TCEA3: variants seen among roughly 807,000 people sequenced by gnomAD.
TCEA3 encodes the protein transcription elongation factor A protein 3.
TCEA3 carries 36 observed loss-of-function variants against 44.0 expected under a neutral mutation model. The observed-to-expected ratio is 0.82, with a 90% CI of 0.63 to 1.08. The LOEUF (loss-of-function observed/expected upper bound fraction) is 1.08, where lower values mean the gene tolerates loss of function less well. Among genes scored for constraint, TCEA3 ranks in the 50% least tolerant of loss-of-function variants. The pLI is 0.00. For synonymous variants in TCEA3, 162 were observed against 159.7 expected (o/e 1.01, Z -0.11); for missense variants, 392 against 441.2 (o/e 0.89, Z 1.00).
chr1:23,418,305 C>T (rs576525296), intron 2 of TCEA3: 302 of 374,764 alleles, frequency 8.1e-4, no homozygotes, highest in Non-Finnish European at 1.3e-3. Context: ...CCTCCCATTC[C>T]CAACCCTCTA....
intron 2 of TCEA3, among the ~76,000 whole-genome samples, chr1:23,418,466 C>T (rs1286795429): frequency 1.3e-5 from 2 of 152,200 alleles, no homozygotes; most frequent in African/African-American, 4.8e-5. Flanking sequence ...TGTGCATCAT[C>T]GTGCCCAGCT....
At chr1:23,399,594 C>T (rs1289716174) in intron 5 of TCEA3, among the ~76,000 whole-genome samples, 1 of 151,838 alleles carries the variant, frequency 6.6e-6, no homozygotes, top group Non-Finnish European at 1.5e-5. Flanking sequence ...AGGAGATTTT[C>T]ATTTTCTTCG....
At chr1:23,417,840 G>A in intron 3 of TCEA3, 64 bp downstream of exon 3, 3 of 1,466,856 alleles carry the variant, frequency 2.0e-6, no homozygotes, top group South Asian at 2.3e-5. Context: ...CTATGAGCCA[G>A]GCCCAGTCCT....
chr1:23,389,511 T>TTGG (rs200367242), intron 8 of TCEA3, among the ~76,000 whole-genome samples: 3,252 of 144,874 alleles, frequency 0.022, 65 homozygotes, highest in Non-Finnish European at 0.034. Flanking sequence ...AAGCCAGGCA[T>TTGG]TGGTGGTGCA....
At chr1:23,417,825 G>T in intron 3 of TCEA3, 79 bp downstream of exon 3, 1 of 1,312,608 alleles carries the variant, frequency 7.6e-7, no homozygotes, top group Non-Finnish European at 1.1e-6. Flanking sequence ...TACACTGAGT[G>T]CTGGCTATGA....
chr1:23,393,641 CAGTT>C (rs1386511231), intron 8 of TCEA3, among the ~76,000 whole-genome samples: 1 of 152,232 alleles, frequency 6.6e-6, no homozygotes, highest in Admixed American at 6.5e-5. Context: ...CTTTCTATCT[CAGTT>C]GGTGTGAACA....
intron 7 of TCEA3, 105 bp from the exon 8 acceptor site, chr1:23,394,138 A>C: frequency 1.5e-6 from 2 of 1,368,160 alleles, no homozygotes; most frequent in Non-Finnish European, 2.0e-6. Context: ...CTCTCCTCGG[A>C]CTTCTACAGG....
intron 5 of TCEA3, chr1:23,403,914 C>G (rs1177770008): frequency 1.8e-6 from 1 of 554,554 alleles, no homozygotes; most frequent in African/African-American, 1.9e-5. Flanking sequence ...TTTCAGGCAG[C>G]CACACTCATT....
chr1:23,413,580 C>A (rs1313039895), intron 4 of TCEA3, among the ~76,000 whole-genome samples: 1 of 152,022 alleles, frequency 6.6e-6, no homozygotes, highest in Admixed American at 6.6e-5. Flanking sequence ...ATTACAGGTA[C>A]CCACTACCAT....
Position 23,393,879 on chromosome 1 carries a change from C to T in TCEA3, c.819G>A (p.Glu273=), listed in dbSNP as rs1394023786. Residue 273 remains glutamate (E), a splice_region_variant and synonymous_variant, in exon 8 of 11, where the codon GAG becomes GAA. Transcript: ENST00000450454. ...CACCATGCAGATGCCCTGCTCTCAC[C>T]TCTGCCGTCATCTTGGCTATAAGCC... ...SAGLIAKMTA[E]EMASDELREL... The T allele has an allele frequency of 6.2e-7, 1 of 1,613,120 alleles. No individual in the cohort carries two copies. The highest frequency in any genetic ancestry group is 8.5e-7 in the Non-Finnish European group (1 of 1,179,828).
At chr1:23,412,816 T>C (rs950955093) in intron 4 of TCEA3, among the ~76,000 whole-genome samples, 2 of 152,228 alleles carry the variant, frequency 1.3e-5, no homozygotes, top group Non-Finnish European at 2.9e-5. Flanking sequence ...GCTTAATTTG[T>C]CTGATGTGCA....
chr1:23,398,011 G>T, intron 5 of TCEA3, 56 bp from the exon 6 acceptor site: 3 of 1,587,210 alleles, frequency 1.9e-6, no homozygotes, highest in South Asian at 1.1e-5. Flanking sequence ...AGCATTTATT[G>T]AGCAGCATTC....
chr1:23,391,553 T>C (rs1036621927), intron 8 of TCEA3, among the ~76,000 whole-genome samples: 9 of 152,164 alleles, frequency 5.9e-5, no homozygotes, highest in African/African-American at 2.2e-4. Context: ...AGAAGATGGC[T>C]GTCTATGAGG....
At chr1:23,413,760 A>G (rs1416566956) in intron 4 of TCEA3, among the ~76,000 whole-genome samples, 2 of 152,158 alleles carry the variant, frequency 1.3e-5, no homozygotes, top group Non-Finnish European at 2.9e-5. Flanking sequence ...AAAAAACTAC[A>G]AAGATATACA....
At chr1:23,392,454 A>T (rs866309445) in intron 8 of TCEA3, among the ~76,000 whole-genome samples, 22 of 137,792 alleles carry the variant, frequency 1.6e-4, no homozygotes, top group South Asian at 2.4e-4. Flanking sequence ...CAATACACAC[A>T]CACTCCACAC....
Position 23,384,382 on chromosome 1 carries a change from G to T in TCEA3, c.1002C>A (p.Thr334=), listed in dbSNP as rs866391170. The T allele has an allele frequency of 6.2e-7, 1 of 1,613,906 alleles. No individual in the cohort carries two copies. Residue 334 remains threonine, a synonymous_variant, in exon 10 of 11, where the codon ACC becomes ACA. Transcript: ENST00000450454. ...TGCCACATTCATTGCATAAGACAAAGGTAGTCATGGGCTCATCAGCACTGC... is the reference window on the plus strand; with the variant it reads ...TGCCACATTCATTGCATAAGACAAATGTAGTCATGGGCTCATCAGCACTGC... ...QTRSADEPMT[T]FVLCNECGNR...
intron 10 of TCEA3, among the ~76,000 whole-genome samples, chr1:23,383,050 C>A (rs537428728): frequency 6.6e-6 from 1 of 152,118 alleles, no homozygotes. Flanking sequence ...GAGGCCGAGG[C>A]GGGCGGATCA....
chr1:23,408,105 G>A (rs1186416620), intron 5 of TCEA3, among the ~76,000 whole-genome samples: 1 of 152,118 alleles, frequency 6.6e-6, no homozygotes, highest in African/African-American at 2.4e-5. Flanking sequence ...GGGATTACAG[G>A]TGCCCACCAC....
chr1:23,405,541 A>G (rs1361257418), intron 5 of TCEA3, among the ~76,000 whole-genome samples: 1 of 151,976 alleles, frequency 6.6e-6, no homozygotes, highest in African/African-American at 2.4e-5. Context: ...AGTTGCACTG[A>G]GCCGAGATCG....
Sources: gnomAD v4.1 joint callset for allele counts (sites outside exome capture counted in the v4.1 genomes callset) on GRCh38, gnomAD v4.1.1 for gene constraint, MANE v1.5 for transcripts, NCBI Gene and HGNC (gene_info 2026-07-23, HGNC 2026-07-21) for gene names.